ZFPM2: variants seen among roughly 807,000 people sequenced by gnomAD.
The protein encoded by ZFPM2 is zinc finger protein, FOG family member 2.
Under a neutral mutation model 98.6 loss-of-function variants are expected in ZFPM2, and 20 were observed. The ratio of observed to expected loss-of-function variants is 0.20; its 90% CI spans 0.14 to 0.29. The LOEUF is 0.29. ZFPM2 is among the 10% of genes least tolerant of loss of function. ZFPM2 has a pLI of 1.00. For synonymous variants in ZFPM2, 518 were observed against 502.7 expected (o/e 1.03, Z -0.41); for missense variants, 1,310 against 1,388.6 (o/e 0.94, Z 0.90).
intron 6 of ZFPM2, among the ~76,000 whole-genome samples, chr8:105,792,065 AG>A (rs1813631277): frequency 6.6e-6 from 1 of 152,034 alleles, no homozygotes; most frequent in South Asian, 2.1e-4. Context: ...TAATTTTTGA[AG>A]GGTTTTTTGT....
rs575329642 is a variant in ZFPM2 at position 105,571,957 on chromosome 8, C to G, written c.420+10476C>G. Among the ~76,000 whole-genome samples the G allele has an allele frequency of 2.0e-4, 30 of 151,118 alleles. No individual in the cohort carries two copies. The South Asian group carries it at 6.1e-3, about 31-fold the overall frequency. On this transcript the variant is annotated intron_variant, in intron 4 of 7. Transcript: ENST00000407775. ...TCCTAGCATTGGCAAGTTTGTGACT[C>G]TTTCCAAGCCACTGCTATAAAGCTC...
At chr8:105,480,571 C>G (rs1813094719) in intron 3 of ZFPM2, among the ~76,000 whole-genome samples, 1 of 152,056 alleles carries the variant, frequency 6.6e-6, no homozygotes, top group Admixed American at 6.6e-5. Flanking sequence ...TAATCAAAAA[C>G]TATTTATTGA....
chr8:105,383,561 T>A (rs990871831), intron 1 of ZFPM2, among the ~76,000 whole-genome samples: 60 of 152,220 alleles, frequency 3.9e-4, no homozygotes, highest in Non-Finnish European at 2.2e-4. Flanking sequence ...GTAAAAGAAC[T>A]GGATCTTTGA....
At chr8:105,512,495 A>T (rs1196296718) in intron 3 of ZFPM2, among the ~76,000 whole-genome samples, 2 of 152,216 alleles carry the variant, frequency 1.3e-5, no homozygotes, top group Non-Finnish European at 2.9e-5. Flanking sequence ...AATGTAAAAG[A>T]TTAGTTTTAT....
At chr8:105,533,549 C>T (rs1410199331) in intron 3 of ZFPM2, among the ~76,000 whole-genome samples, 2 of 152,020 alleles carry the variant, frequency 1.3e-5, no homozygotes, top group African/African-American at 2.4e-5. Flanking sequence ...ACCAGGTTAC[C>T]ATCCCAGTTT....
At chr8:105,494,183 GTATATATATATATATATATA>G (rs61035457) in intron 3 of ZFPM2, among the ~76,000 whole-genome samples, 4,583 of 60,036 alleles carry the variant, frequency 0.076, 451 homozygotes, top group African/African-American at 0.21. Flanking sequence ...GCCACCAAAA[GTATATATATATATATATATA>G]TATATATATA....
chr8:105,793,154 T>G (rs1373800607), intron 6 of ZFPM2, among the ~76,000 whole-genome samples: 1 of 152,144 alleles, frequency 6.6e-6, no homozygotes, highest in Non-Finnish European at 1.5e-5. Context: ...ATTTTGCTCG[T>G]TAGTTGATGC....
chr8:105,640,812 T>C (rs971693548), intron 5 of ZFPM2, among the ~76,000 whole-genome samples: 9 of 152,046 alleles, frequency 5.9e-5, no homozygotes, highest in African/African-American at 2.2e-4. Flanking sequence ...TAACTTTACC[T>C]AGAGGGTATA....
At chr8:105,424,840 C>T (rs1467476316) in intron 2 of ZFPM2, among the ~76,000 whole-genome samples, 3 of 152,154 alleles carry the variant, frequency 2.0e-5, no homozygotes, top group African/African-American at 7.2e-5. Flanking sequence ...TCCCCACTCT[C>T]AGGAGGAGAG....
At chr8:105,484,580 T>G (rs1813191535) in intron 3 of ZFPM2, among the ~76,000 whole-genome samples, 1 of 152,210 alleles carries the variant, frequency 6.6e-6, no homozygotes, top group African/African-American at 2.4e-5. Context: ...CATTTACTCA[T>G]TGAGTTACTA....
intron 4 of ZFPM2, among the ~76,000 whole-genome samples, chr8:105,624,468 G>A (rs1816613361): frequency 6.6e-6 from 1 of 152,102 alleles, no homozygotes; most frequent in South Asian, 2.1e-4. Flanking sequence ...TGGCAAAAGG[G>A]AAAGAGAAAT....
chr8:105,401,216 G>T (rs1811334109), intron 1 of ZFPM2, among the ~76,000 whole-genome samples: 1 of 149,960 alleles, frequency 6.7e-6, no homozygotes, highest in Admixed American at 6.7e-5. Flanking sequence ...ATTAAATACA[G>T]ACTTAATTTA....
At chr8:105,796,282 AT>A (rs1323114568) in intron 6 of ZFPM2, among the ~76,000 whole-genome samples, 1 of 111,880 alleles carries the variant, frequency 8.9e-6, no homozygotes, top group Non-Finnish European at 1.7e-5. Flanking sequence ...TCTGATGTTA[AT>A]TCTAATTATA....
rs112488016 is a variant in ZFPM2 at position 105,691,528 on chromosome 8, G to A, written c.532+57171G>A. Among the ~76,000 whole-genome samples the A allele has an allele frequency of 1.4e-4, 17 of 122,228 alleles. 1 individual carries two copies. The highest frequency in any genetic ancestry group is 1.1e-3 in the South Asian group (4 of 3,776). 80.2% of individuals were successfully genotyped at this position (122,228 alleles called of 152,430 possible). Reference sequence around the variant, plus strand: ...CTCCCAAAGTGCTGGGATTACAGGCGTGAGCCACCGCGCCCAGCCCCAAAG... The same window carrying A: ...CTCCCAAAGTGCTGGGATTACAGGCATGAGCCACCGCGCCCAGCCCCAAAG... On this transcript the variant is annotated intron_variant, in intron 5 of 7. Coordinates refer to ENST00000407775, the MANE Select transcript of ZFPM2 (RefSeq NM_012082.4).
chr8:105,402,009 T>A (rs1478602649), intron 1 of ZFPM2, among the ~76,000 whole-genome samples: 2 of 152,076 alleles, frequency 1.3e-5, no homozygotes, highest in Admixed American at 1.3e-4. Context: ...ATATCCTTAT[T>A]TTTTGTTTCC....
intron 1 of ZFPM2, among the ~76,000 whole-genome samples, chr8:105,385,787 T>A (rs142007469): frequency 1.2e-3 from 176 of 152,320 alleles, no homozygotes; most frequent in African/African-American, 4.0e-3. Flanking sequence ...GAGGATAAGC[T>A]GTGAAGGACA....
In ZFPM2 at chr8:105,467,587, A is replaced by C. The variant is rs568814997; in HGVS notation, c.301+23206A>C. On this transcript the variant is annotated intron_variant, in intron 3 of 7. Coordinates refer to ENST00000407775, the MANE Select transcript of ZFPM2 (RefSeq NM_012082.4). ...TGATCTCTGACCTCAGAGAGCCTGC[A>C]CTTTACTATGAAATGCTGTTTAAAA... Among the ~76,000 whole-genome samples, 14 of 152,260 alleles carry C rather than the reference A, an allele frequency of 9.2e-5. No individual in the cohort carries two copies. The East Asian group carries it at 2.5e-3, about 27-fold the overall frequency.
intron 1 of ZFPM2, chr8:105,387,354 G>C (rs1259769545): frequency 6.1e-6 from 1 of 163,822 alleles, no homozygotes; most frequent in Non-Finnish European, 1.3e-5. Context: ...TTGGGTGGTC[G>C]ATGGGACTGG....
chr8:105,772,473 A>G (rs1813000933), intron 5 of ZFPM2, among the ~76,000 whole-genome samples: 1 of 152,174 alleles, frequency 6.6e-6, no homozygotes, highest in African/African-American at 2.4e-5. Flanking sequence ...CCCTGCTTGA[A>G]GGAGGAGAAA....
Sources: gnomAD v4.1 joint callset for allele counts (sites outside exome capture counted in the v4.1 genomes callset) on GRCh38, gnomAD v4.1.1 for gene constraint, MANE v1.5 for transcripts, NCBI Gene and HGNC (gene_info 2026-07-23, HGNC 2026-07-21) for gene names.